The following THOC7 variants were observed in gnomAD, a reference collection of about 807,000 sequenced individuals.
THOC7 encodes the protein NIF3L1-binding protein 1.
THOC7 carries 22 observed loss-of-function variants against 33.1 expected under a neutral mutation model. The ratio of observed to expected loss-of-function variants is 0.66; its 90% CI spans 0.47 to 0.95. The LOEUF (loss-of-function observed/expected upper bound fraction) is 0.95, where lower values mean the gene tolerates loss of function less well. Ranked by LOEUF, THOC7 falls within the 40% of genes least tolerant of loss-of-function variation. The pLI, the probability that THOC7 is intolerant of heterozygous loss-of-function variation, is 0.00. For missense variants in THOC7, 184 were observed against 245.3 expected (o/e 0.75, Z 1.67); for synonymous variants, 77 against 76.8 (o/e 1.00, Z -0.01).
rs1190477860 is a variant in THOC7 at position 63,838,385 on chromosome 3, A to C, written c.252T>G (p.Ile84Met). ...NLREMENYEKIYKEIECSIAG... is the reference protein window; with the variant it reads ...NLREMENYEKMYKEIECSIAG... ...AAGATTCTTTACCTATTTCCTTGTA[A>C]ATTTTTTCATAATTTTCCATTTCTC... The change falls in exon 3 of 8, where the codon ATT becomes ATG. Residue 84 changes from isoleucine to methionine, a missense_variant. This residue lies in a region of THOC7 where 157 missense variants were observed against 201.3 expected (regional missense o/e 0.78). Coordinates refer to ENST00000295899, the MANE Select transcript of THOC7 (RefSeq NM_025075.4). The C allele has an allele frequency of 6.5e-7, 1 of 1,540,238 alleles. No homozygotes were observed. The highest frequency in any genetic ancestry group is 8.9e-7 in the Non-Finnish European group (1 of 1,122,996).
intron 7 of THOC7, 150 bp downstream of exon 7, chr3:63,835,004 T>G: frequency 1.5e-6 from 1 of 683,570 alleles, no homozygotes. Flanking sequence ...TTCAAGAAAG[T>G]TGAACATGAG....
Position 63,855,866 on chromosome 3 carries a change from T to C in THOC7, c.19+7906A>G, listed in dbSNP as rs1005395069. Among the ~76,000 whole-genome samples, 13 of 152,138 alleles carry C rather than the reference T, an allele frequency of 8.5e-5. No homozygotes were observed. The East Asian group carries it at 2.5e-3, about 29-fold the overall frequency. On this transcript the variant is annotated intron_variant, in intron 1 of 7. Transcript: ENST00000295899. ...GCAGTTTGGCAAAAAATTTGGTAGGTACCAAACTGAAAGCCACAGGAAGGG... is the reference window on the plus strand; with the variant it reads ...GCAGTTTGGCAAAAAATTTGGTAGGCACCAAACTGAAAGCCACAGGAAGGG...
chr3:63,841,940 T>G (rs1701769341), intron 1 of THOC7, among the ~76,000 whole-genome samples: 1 of 152,228 alleles, frequency 6.6e-6, no homozygotes, highest in South Asian at 2.1e-4. Flanking sequence ...CCATTTTTTT[T>G]GCTACATGCC....
intron 4 of THOC7, among the ~76,000 whole-genome samples, chr3:63,837,735 A>T (rs1701663327): frequency 6.6e-6 from 1 of 152,088 alleles, no homozygotes; most frequent in Non-Finnish European, 1.5e-5. Context: ...GATAAGAAAA[A>T]AAAAGAGAAA....
At position 63,841,516 on chromosome 3, in the gene THOC7, G is replaced by A. The variant is rs138004244; in HGVS notation, c.20-1743C>T. Reference sequence around the variant, plus strand: ...TGTGTGTAGGCAGAAGTATTTTTGAGCGCAGGTGCAGCGGAGATAAACTTT... The same window carrying A: ...TGTGTGTAGGCAGAAGTATTTTTGAACGCAGGTGCAGCGGAGATAAACTTT... On this transcript the variant is annotated intron_variant, in intron 1 of 7. Transcript: ENST00000295899. Among the ~76,000 whole-genome samples the A allele has an allele frequency of 2.0e-5, 3 of 152,306 alleles. No homozygotes were observed. In the East Asian group the frequency reaches 5.8e-4, roughly 29 times the overall value.
chr3:63,846,243 C>T (rs1426710724), intron 1 of THOC7: 3 of 447,878 alleles, frequency 6.7e-6, no homozygotes, highest in Non-Finnish European at 1.3e-5. Context: ...AAACAGTTTC[C>T]TTATAAGAGA....
chr3:63,841,259 C>T (rs1701754069), intron 1 of THOC7, among the ~76,000 whole-genome samples: 1 of 152,110 alleles, frequency 6.6e-6, no homozygotes, highest in African/African-American at 2.4e-5. Flanking sequence ...CAGAGACTAT[C>T]CTTGGACAGA....
intron 1 of THOC7, chr3:63,845,056 G>C (rs1341566259): frequency 2.9e-6 from 2 of 699,716 alleles, no homozygotes; most frequent in African/African-American, 1.8e-5. Context: ...CAGCTGACCT[G>C]AGACTCCTTG....
At chr3:63,854,844 T>TAAAA (rs34840218) in intron 1 of THOC7, 1 of 151,824 alleles carries the variant, frequency 6.6e-6, no homozygotes, top group African/African-American at 2.4e-5. Context: ...CCGTCTCTAC[T>TAAAA]AAAAATACAA....
intron 1 of THOC7, among the ~76,000 whole-genome samples, chr3:63,855,073 G>A (rs1702090037): frequency 6.6e-6 from 1 of 151,874 alleles, no homozygotes; most frequent in African/African-American, 2.4e-5. Context: ...TGAGTAATAT[G>A]ACCACACATT....
rs1459822327 is a variant in THOC7 at position 63,843,661 on chromosome 3, G to C, written c.20-3888C>G. On this transcript the variant is annotated intron_variant, in intron 1 of 7. Transcript: ENST00000295899. ...CACGCCTGTAATCCCAGCACTTTGG[G>C]AGGCCAAGGTGGGCGCATCACGAGG... is the stretch of plus-strand genomic sequence containing the variant. Among the ~76,000 whole-genome samples, 4 of 152,228 alleles carry C rather than the reference G, an allele frequency of 2.6e-5. No homozygotes were observed. In the East Asian group the frequency reaches 7.8e-4, roughly 30 times the overall value.
At chr3:63,858,013 GA>G (rs200721111) in intron 1 of THOC7, among the ~76,000 whole-genome samples, 1 of 150,202 alleles carries the variant, frequency 6.7e-6, no homozygotes, top group African/African-American at 2.4e-5. Flanking sequence ...TGGCACTAAT[GA>G]AAAAAAAACC....
intron 1 of THOC7, among the ~76,000 whole-genome samples, chr3:63,846,565 G>A (rs983290653): frequency 2.6e-5 from 4 of 151,928 alleles, no homozygotes; most frequent in African/African-American, 4.8e-5. Flanking sequence ...CCACCACCAC[G>A]CCAGGCTAAT....
intron 1 of THOC7, among the ~76,000 whole-genome samples, chr3:63,843,696 C>T (rs1238793681): frequency 1.3e-5 from 2 of 151,972 alleles, no homozygotes; most frequent in Non-Finnish European, 2.9e-5. Flanking sequence ...GTCAGGAGAT[C>T]GAGACCATCC....
At chr3:63,842,191 A>G (rs994428821) in intron 1 of THOC7, among the ~76,000 whole-genome samples, 4 of 152,208 alleles carry the variant, frequency 2.6e-5, no homozygotes, top group Non-Finnish European at 5.9e-5. Flanking sequence ...AGACATACAA[A>G]TGGCCAACAG....
chr3:63,853,075 C>A (rs1702047142), intron 1 of THOC7, among the ~76,000 whole-genome samples: 1 of 150,664 alleles, frequency 6.6e-6, no homozygotes, highest in Non-Finnish European at 1.5e-5. Context: ...TGCTTGAATC[C>A]AGGAGGTGGA....
In THOC7 at chr3:63,849,319, C is replaced by T. The variant is rs933783254; in HGVS notation, c.20-9546G>A. Among the ~76,000 whole-genome samples, 17 of 152,274 alleles carry T rather than the reference C, an allele frequency of 1.1e-4. No individual in the cohort carries two copies. In the East Asian group the frequency reaches 3.1e-3, roughly 28 times the overall value. Reference sequence around the variant, plus strand: ...AGGACAATTGCTTGAACCCAGGAGGCGGAGGTTGCAGCGGGCCAAGACTGC... The same window carrying T: ...AGGACAATTGCTTGAACCCAGGAGGTGGAGGTTGCAGCGGGCCAAGACTGC... On this transcript the variant is annotated intron_variant, in intron 1 of 7. Coordinates refer to ENST00000295899, the MANE Select transcript of THOC7 (RefSeq NM_025075.4).
rs74657241 is a variant in THOC7, at chr3:63,845,559, A to G, written c.20-5786T>C. The stretch of plus-strand genomic sequence containing the variant: ...GTCACAGTAAGTGGTTATTACCATG[A>G]GGTGGAGGGGGACATGAACTCTGGC... On this transcript the variant is annotated intron_variant, in intron 1 of 7. Coordinates refer to ENST00000295899, the MANE Select transcript of THOC7 (RefSeq NM_025075.4). Among the ~76,000 whole-genome samples, 1,129 of 152,314 alleles carry G rather than the reference A, an allele frequency of 7.4e-3. 18 individuals carry two copies. Among genetic ancestry groups the G allele is most frequent in the African/African-American group, 0.026 (1,073 of 41,572 alleles).
intron 1 of THOC7, among the ~76,000 whole-genome samples, chr3:63,850,326 A>C (rs1701994572): frequency 6.8e-6 from 1 of 148,094 alleles, no homozygotes. Context: ...TCAGCCTCAC[A>C]AGTAGCTGGG....
Sources: gnomAD v4.1 joint callset for allele counts (sites outside exome capture counted in the v4.1 genomes callset) on GRCh38, gnomAD v4.1.1 for gene constraint, gnomAD v4.1.1 regional missense constraint, MANE v1.5 for transcripts, NCBI Gene and HGNC (gene_info 2026-07-23, HGNC 2026-07-21) for gene names.